Variants in ITGA3 observed in about 807,000 individuals in gnomAD.
ITGA3 encodes integrin subunit alpha 3.
In ITGA3, 70 loss-of-function variants were observed where a neutral mutation model predicts 131.1. The ratio of observed to expected loss-of-function variants is 0.53; its 90% CI spans 0.44 to 0.65. ITGA3 has a LOEUF of 0.65. ITGA3 is among the 30% of genes least tolerant of loss of function. The pLI is 0.00. For missense variants in ITGA3, 1,098 were observed against 1,388.6 expected, an observed-to-expected ratio of 0.79 and a Z score of 3.33; for synonymous variants, 537 against 571.6, an observed-to-expected ratio of 0.94 and a Z score of 0.86.
At chr17:50,088,089 C>T in intron 24 of ITGA3, 136 bp from the exon 25 acceptor site, 2 of 1,308,464 alleles carry the variant, frequency 1.5e-6, no homozygotes, top group Non-Finnish European at 1.0e-6. Flanking sequence ...GCTCTGGCTT[C>T]TGACCACACC....
At position 50,089,149 on chromosome 17, in the gene ITGA3, C is replaced by T. The variant is rs770152853; in HGVS notation, c.*71C>T. The T allele has an allele frequency of 5.6e-6, 9 of 1,613,254 alleles. No individual in the cohort carries two copies. The highest frequency in any genetic ancestry group is 6.8e-6 in the Non-Finnish European group (8 of 1,179,560). On this transcript the variant is annotated 3_prime_UTR_variant, in exon 26 of 26. Transcript: ENST00000320031. ...GCGGACCCGCTATTATCAGATCATG[C>T]CCAAGTACCACGCAGTGCGGATCCG...
At chr17:50,082,326 C>T (rs931995385) in intron 23 of ITGA3, among the ~76,000 whole-genome samples, 1 of 152,000 alleles carries the variant, frequency 6.6e-6, no homozygotes, top group African/African-American at 2.4e-5. Flanking sequence ...CTACAGGCGC[C>T]CACCACCACG....
At chr17:50,075,087 G>A (rs539745481) in intron 10 of ITGA3, among the ~76,000 whole-genome samples, 1 of 152,336 alleles carries the variant, frequency 6.6e-6, no homozygotes, top group East Asian at 1.9e-4. Context: ...GAGGATTTTG[G>A]ATCAGAAGAC....
Position 50,056,324 on chromosome 17 carries a change from C to T in ITGA3, c.-116C>T, listed in dbSNP as rs1443518455. 2 of 662,634 alleles carry T rather than the reference C, an allele frequency of 3.0e-6. No individual in the cohort carries two copies. Among genetic ancestry groups the T allele is most frequent in the Non-Finnish European group, 2.4e-6 (1 of 425,340 alleles). The allele number at this position is 662,634 out of a possible 1,614,324, so 41.0% of individuals were successfully genotyped here. ...CGAAACCGATCAGCGCTACGGAGCG[C>T]AGCGGCCGGCGGGTTCCAGTGTCCT... On this transcript the variant is annotated 5_prime_UTR_variant, in exon 1 of 26. Transcript: ENST00000320031. This position sits in a 1 kb window ranked among gnomAD's most constrained non-coding sequence, Gnocchi z 5.6.
chr17:50,064,804 C>A lies in ITGA3; in HGVS notation c.414+197C>A. The stretch of plus-strand genomic sequence containing the variant: ...AGGGGGTGAGTATCCTGTGCTCTCC[C>A]AAACCCCCGCACGGCCTGAGTTCTC... On this transcript the variant is annotated intron_variant, in intron 3 of 25. Coordinates refer to ENST00000320031, the MANE Select transcript of ITGA3 (RefSeq NM_002204.4). This position sits in a 1 kb window ranked among gnomAD's most constrained non-coding sequence, Gnocchi z 4.4. 1 of 540,248 alleles carries A rather than the reference C, an allele frequency of 1.9e-6. No individual in the cohort carries two copies. The highest frequency in any genetic ancestry group is 3.3e-6 in the Non-Finnish European group (1 of 305,242). 33.5% of individuals were successfully genotyped at this position (540,248 alleles called of 1,614,324 possible). A position where few individuals can be genotyped will look rare whatever the true frequency, so the allele number is the denominator to read the frequency against.
rs1908587415 is a variant in ITGA3, at chr17:50,070,764, G to A, written c.665-80G>A. The A allele has an allele frequency of 6.9e-6, 5 of 727,600 alleles. No homozygotes were observed. In the Admixed American group the frequency reaches 7.8e-5, roughly 11 times the overall value. 45.1% of individuals were successfully genotyped at this position (727,600 alleles called of 1,614,324 possible). On this transcript the variant is annotated intron_variant, in intron 4 of 25. Transcript: ENST00000320031. ...CTATCCTTGTTGGGTGGGGGTGGGG[G>A]TGGGCTGGACATGGTAGAGGAAACC... is the stretch of plus-strand genomic sequence containing the variant.
chr17:50,073,887 G>A (rs968305603), intron 7 of ITGA3, 29 bp from the exon 8 acceptor site: 1 of 1,574,880 alleles, frequency 6.3e-7, no homozygotes, highest in Admixed American at 1.7e-5. Context: ...GAGTACCTGG[G>A]TGACCCTGTC....
rs1909527422 is a variant in ITGA3, at chr17:50,087,809, G to A, written c.2985G>A (p.Val995=). ...ELPAEIELWL[V]LVAVGAGLLL... ...CGGCCGAAATCGAGCTGTGGCTGGT[G>A]CTGGTGGCCGTGGGTGCAGGGCTGC... The change falls in exon 24 of 26, where the codon GTG becomes GTA. Residue 995 remains valine (V), a synonymous_variant. Transcript: ENST00000320031. 6.2e-7 allele frequency: 1 copy of A among 1,612,576 alleles called. No homozygotes were observed. The highest frequency in any genetic ancestry group is 1.7e-5 in the Admixed American group (1 of 59,920).
chr17:50,077,090 C>T lies in ITGA3; in HGVS notation c.2039C>T (p.Pro680Leu). Residue 680 changes from proline (P) to leucine (L), a missense_variant, in exon 15 of 26, where the codon CCT becomes CTT. This residue lies in a region of ITGA3 where 699 missense variants were observed against 829.2 expected (regional missense o/e 0.84). Coordinates refer to ENST00000320031, the MANE Select transcript of ITGA3 (RefSeq NM_002204.4). ...AHEALLTLVV[P>L]PALLLSSVRP... ...GAGGCGCTGCTCACCCTGGTGGTGC[C>T]TCCCGCCCTGCTGCTGTCCTCAGTG... The T allele has an allele frequency of 6.3e-7, 1 of 1,577,900 alleles. No homozygotes were observed. Among genetic ancestry groups the T allele is most frequent in the South Asian group, 1.1e-5 (1 of 87,684 alleles).
chr17:50,072,078 C>A lies in ITGA3; in HGVS notation c.1052C>A (p.Thr351Asn). Residue 351 changes from threonine to asparagine, a missense_variant, in exon 7 of 26, where the codon ACC becomes AAC. Thr to Asn is a moderately conservative substitution (Grantham distance 65). This residue lies in a region of ITGA3 where 356 missense variants were observed against 529.2 expected (regional missense o/e 0.67). Coordinates refer to ENST00000320031, the MANE Select transcript of ITGA3 (RefSeq NM_002204.4). Reference protein sequence around the residue: ...AIYVFMNQAGTSFPAHPSLLL... With the variant: ...AIYVFMNQAGNSFPAHPSLLL... ...TATGTCTTCATGAACCAGGCGGGAA[C>A]CTCCTTCCCTGCTCACCCCTCACTC... 3 of 1,614,096 alleles carry A rather than the reference C, an allele frequency of 1.9e-6. No homozygotes were observed. The highest frequency in any genetic ancestry group is 2.5e-6 in the Non-Finnish European group (3 of 1,179,998).
chr17:50,081,612 T>C (rs2144310215), intron 23 of ITGA3, among the ~76,000 whole-genome samples: 3 of 152,270 alleles, frequency 2.0e-5, no homozygotes, highest in Middle Eastern at 3.4e-3. Flanking sequence ...GGGATTGCTG[T>C]GTTTAAAGGT....
intron 23 of ITGA3, among the ~76,000 whole-genome samples, chr17:50,082,246 C>T (rs1193872839): frequency 2.0e-5 from 3 of 152,018 alleles, no homozygotes; most frequent in Non-Finnish European, 4.4e-5. Flanking sequence ...AATGCAGTGG[C>T]GTGATCACTG....
intron 5 of ITGA3, 42 bp downstream of exon 5, chr17:50,070,972 G>C: frequency 1.6e-6 from 2 of 1,258,664 alleles, no homozygotes; most frequent in Non-Finnish European, 2.3e-6. Context: ...TAGAGGGGAA[G>C]GGGGCTTAGT....
chr17:50,075,830 C>T, intron 12 of ITGA3, 95 bp downstream of exon 12: 1 of 1,328,480 alleles, frequency 7.5e-7, no homozygotes. Context: ...CGGGGGTCTC[C>T]CCAGAGACAG....
intron 3 of ITGA3, among the ~76,000 whole-genome samples, chr17:50,066,354 T>C (rs1217895692): frequency 6.6e-6 from 1 of 150,474 alleles, no homozygotes; most frequent in Admixed American, 6.6e-5. Context: ...GAGGTCTGGC[T>C]CTGTCACCCA....
At chr17:50,076,798 G>C (rs753264275) in intron 14 of ITGA3, 117 bp downstream of exon 14, 3 of 1,180,528 alleles carry the variant, frequency 2.5e-6, no homozygotes, top group African/African-American at 1.5e-5. Flanking sequence ...GCTTTAGCGG[G>C]AACAGGTGGG....
Position 50,076,455 on chromosome 17 carries a change from G to T in ITGA3, c.1804G>T (p.Ala602Ser). 1 of 1,609,708 alleles carries T rather than the reference G, an allele frequency of 6.2e-7. No homozygotes were observed. The change falls in exon 13 of 26, where the codon GCT (alanine) becomes TCT (serine). Residue 602 changes from alanine (A) to serine (S), a missense_variant. Coordinates refer to ENST00000320031, the MANE Select transcript of ITGA3 (RefSeq NM_002204.4). ...CTACCCGATCCTCAACCAGGCACAGGCTCTGGAGAACCACACTGAGGTGAG... is the reference window on the plus strand; with the variant it reads ...CTACCCGATCCTCAACCAGGCACAGTCTCTGGAGAACCACACTGAGGTGAG... ...DAYPILNQAQ[A>S]LENHTEVQFQ...
intron 25 of ITGA3, 40 bp downstream of exon 25, chr17:50,088,406 C>A: frequency 1.8e-6 from 2 of 1,093,150 alleles, no homozygotes; most frequent in South Asian, 1.4e-5. Context: ...AGCCCCACAG[C>A]TGGCCGGGCC....
rs374952208 is a variant in ITGA3, at chr17:50,075,694, A to G, written c.1633A>G (p.Met545Val). Residue 545 changes from methionine (M) to valine (V), a missense_variant, in exon 12 of 26, where the codon ATG becomes GTG. Coordinates refer to ENST00000320031, the MANE Select transcript of ITGA3 (RefSeq NM_002204.4). ...ESAVFHGFFS[M>V]PEMRCQKLEL... ...CGCTGTCTTCCACGGCTTCTTCTCCATGCCCGAGATGCGCTGCCAGAAGCT... is the reference window on the plus strand; with the variant it reads ...CGCTGTCTTCCACGGCTTCTTCTCCGTGCCCGAGATGCGCTGCCAGAAGCT... The G allele has an allele frequency of 1.2e-6, 2 of 1,614,078 alleles. No individual in the cohort carries two copies. The highest frequency in any genetic ancestry group is 1.7e-6 in the Non-Finnish European group (2 of 1,179,978).
Sources: allele counts gnomAD v4.1 joint callset (sites outside exome capture counted in the v4.1 genomes callset), GRCh38; gene constraint gnomAD v4.1.1; regional missense constraint gnomAD v4.1.1; non-coding constraint Gnocchi (gnomAD v3.1); transcripts MANE v1.5; gene names NCBI Gene and HGNC (gene_info 2026-07-23, HGNC 2026-07-21).